Variants in APOL4 observed in about 807,000 individuals in gnomAD.
APOL4 encodes apolipoprotein L4.
In APOL4, 14 loss-of-function variants were observed where a neutral mutation model predicts 12.1. The ratio of observed to expected loss-of-function variants is 1.16; its 90% CI spans 0.76 to 1.81. APOL4 has a LOEUF of 1.81. Ranked by LOEUF, APOL4 falls within the 40% of genes most tolerant of loss-of-function variation. APOL4 has a pLI of 0.00. For missense variants in APOL4, 432 were observed against 423.1 expected (o/e 1.02, Z -0.18); for synonymous variants, 171 against 160.6 (o/e 1.06, Z -0.49).
intron 2 of APOL4, among the ~76,000 whole-genome samples, chr22:36,196,673 T>G (rs1005488688): frequency 2.0e-5 from 3 of 152,122 alleles, no homozygotes; most frequent in Non-Finnish European, 2.9e-5. Context: ...TGGGACATGA[T>G]GTATAATTGT....
chr22:36,201,835 G>C, upstream of APOL4: 1 of 1,570,668 alleles, frequency 6.4e-7, no homozygotes, highest in Non-Finnish European at 8.6e-7. Context: ...GACACAGTGC[G>C]TCCCCTCTAG....
upstream of APOL4, among the ~76,000 whole-genome samples, chr22:36,203,373 G>A (rs192980915): frequency 1.1e-4 from 17 of 152,270 alleles, no homozygotes; most frequent in African/African-American, 3.1e-4. Flanking sequence ...ATTACGAGGT[G>A]GGATGGTCAC....
intron 1 of APOL4, among the ~76,000 whole-genome samples, chr22:36,199,969 G>T (rs28673650): frequency 0.1 from 15,169 of 152,038 alleles, 869 homozygotes; most frequent in African/African-American, 0.14. Context: ...CGCCACATTC[G>T]GCTAATTTTT....
chr22:36,196,846 A>T (rs563061312), intron 2 of APOL4, among the ~76,000 whole-genome samples: 143 of 152,336 alleles, frequency 9.4e-4, no homozygotes, highest in African/African-American at 3.2e-3. Context: ...CCATATATTT[A>T]AAAAATGCCT....
intron 2 of APOL4, chr22:36,197,634 G>A (rs1288994729): frequency 2.6e-6 from 4 of 1,543,806 alleles, no homozygotes; most frequent in South Asian, 1.2e-5. Context: ...TATCAGATGG[G>A]CGCTTCTGTC....
Position 36,191,048 on chromosome 22 carries a change from G to T in APOL4, c.*27C>A. 6.4e-7 allele frequency: 1 copy of T among 1,551,858 alleles called. No individual in the cohort carries two copies. The highest frequency in any genetic ancestry group is 1.2e-5 in the South Asian group (1 of 83,896). On this transcript the variant is annotated 3_prime_UTR_variant, in exon 4 of 4. Transcript: ENST00000683024. ...GCTTCAGCCAGTCCCTCCGTTTGGG[G>T]TCCCTGACTTCCCGCAACAATTGGG...
intron 2 of APOL4, among the ~76,000 whole-genome samples, chr22:36,196,849 A>G (rs1396000434): frequency 6.6e-6 from 1 of 152,210 alleles, no homozygotes; most frequent in African/African-American, 2.4e-5. Context: ...TATATTTAAA[A>G]AATGCCTGTG....
intron 2 of APOL4, among the ~76,000 whole-genome samples, chr22:36,195,831 A>G (rs994166557): frequency 6.6e-6 from 1 of 150,396 alleles, no homozygotes; most frequent in Non-Finnish European, 1.5e-5. Flanking sequence ...TGTGAAGGCC[A>G]TGTGAGGACA....
rs767805122 is a variant in APOL4 at position 36,191,631 on chromosome 22, A to C, written c.491T>G (p.Leu164Arg). Residue 164 changes from leucine to arginine, a missense_variant, in exon 4 of 4, where the codon CTG becomes CGG. By Grantham distance (102) the Leu-to-Arg change is moderately radical (BLOSUM62 -2). Transcript: ENST00000683024. ...CCCAGCTGCAGTAATGCTCAGGCTC[A>C]GCCCTGCTGTAAATGGTGCCAACAT... ...GVMLAPFTAG[L>R]SLSITAAGVG... The C allele has an allele frequency of 7.4e-6, 12 of 1,613,780 alleles. 1 individual carries two copies. The Admixed American group carries it at 1.7e-4, about 22-fold the overall frequency.
At chr22:36,195,529 A>G (rs760969386) in intron 2 of APOL4, 92 bp from the exon 3 acceptor site, 386 of 1,442,886 alleles carry the variant, frequency 2.7e-4, no homozygotes, top group Non-Finnish European at 2.6e-4. Flanking sequence ...AATCCTCCTG[A>G]ACCAGCTGTC....
chr22:36,193,873 T>G (rs2014330702), intron 3 of APOL4, among the ~76,000 whole-genome samples: 1 of 152,186 alleles, frequency 6.6e-6, no homozygotes, highest in Non-Finnish European at 1.5e-5. Flanking sequence ...GCCACCTTAC[T>G]GCCTCCTGAC....
chr22:36,191,195 T>A lies in APOL4; in HGVS notation c.927A>T (p.Ser309=), dbSNP rs770620655. The change falls in exon 4 of 4, where the codon TCA becomes TCT. Residue 309 remains serine (S), a synonymous_variant. Coordinates refer to ENST00000683024, the MANE Select transcript of APOL4 (RefSeq NM_001386885.1). ...VLDVVNLVQD[S]LDLHKGAKSE... The stretch of plus-strand genomic sequence containing the variant: ...ATTTTGCCCCCTTGTGCAAGTCCAG[T>A]GAGTCTTGCACAAGGTTGACTACAT... 1.4e-5 allele frequency: 22 copies of A among 1,613,734 alleles called. No individual in the cohort carries two copies. Among genetic ancestry groups the A allele is most frequent in the Non-Finnish European group, 1.7e-5 (20 of 1,179,832 alleles).
At chr22:36,195,197 A>G in intron 3 of APOL4, 114 bp downstream of exon 3, 1 of 1,367,168 alleles carries the variant, frequency 7.3e-7, no homozygotes. Flanking sequence ...GGACATCCTC[A>G]AGCCCAGCAG....
chr22:36,202,721 A>T (rs1807673), upstream of APOL4, among the ~76,000 whole-genome samples: 15 of 150,130 alleles, frequency 1.0e-4, 1 homozygote, highest in Admixed American at 8.6e-4. Context: ...GCGAGACTCC[A>T]TCTCAGAAAA....
At chr22:36,192,472 T>G (rs1345966991) in intron 3 of APOL4, among the ~76,000 whole-genome samples, 5 of 152,306 alleles carry the variant, frequency 3.3e-5, no homozygotes, top group African/African-American at 1.2e-4. Context: ...TGGCTATGTG[T>G]TTGATAAAGA....
At chr22:36,202,160 G>A, upstream of APOL4, 8 of 1,489,532 alleles carry the variant, frequency 5.4e-6, no homozygotes, top group Non-Finnish European at 6.5e-6. Context: ...AGGCTGCAGG[G>A]CTTTGACGCC....
At position 36,191,842 on chromosome 22, in the gene APOL4, T is replaced by C. The variant is rs768195971; in HGVS notation, c.280A>G (p.Met94Val). The change falls in exon 4 of 4, where the codon ATG (methionine) becomes GTG (valine). Residue 94 changes from methionine (M) to valine (V), a missense_variant. Transcript: ENST00000683024. ...CTAAACTGCTGTTCTTTTTGCTGCA[T>C]GTCTTTGTCCTCAATAGCCACATAT... ...TPYVAIEDKD[M>V]QQKEQQFREW... The C allele has an allele frequency of 1.2e-6, 2 of 1,613,560 alleles. No individual in the cohort carries two copies. The highest frequency in any genetic ancestry group is 2.7e-5 in the African/African-American group (2 of 74,932).
chr22:36,194,175 T>G (rs1295977780), intron 3 of APOL4, among the ~76,000 whole-genome samples: 1 of 152,190 alleles, frequency 6.6e-6, no homozygotes, highest in South Asian at 2.1e-4. Flanking sequence ...ACTCTGGAAG[T>G]TGGCCTGAAG....
chr22:36,195,296 C>T lies in APOL4; in HGVS notation c.209+15G>A, dbSNP rs748881767. The T allele has an allele frequency of 6.2e-7, 1 of 1,612,710 alleles. No individual in the cohort carries two copies. Among genetic ancestry groups the T allele is most frequent in the East Asian group, 2.2e-5 (1 of 44,860 alleles). ...TCACCGGGGTGCCCCAAGGAGGTAA[C>T]CCCATGGAGGTTACCTGGGCAATTC... On this transcript the variant is annotated intron_variant, in intron 3 of 3. Coordinates refer to ENST00000683024, the MANE Select transcript of APOL4 (RefSeq NM_001386885.1).
Sources: allele counts gnomAD v4.1 joint callset (sites outside exome capture counted in the v4.1 genomes callset), GRCh38; gene constraint gnomAD v4.1.1; transcripts MANE v1.5; gene names NCBI Gene and HGNC (gene_info 2026-07-23, HGNC 2026-07-21).